ESR2: variants seen among roughly 807,000 people sequenced by gnomAD.
ESR2 encodes estrogen receptor 2, also known as estrogen receptor beta.
In ESR2, 36 loss-of-function variants were observed where a neutral mutation model predicts 49.6. The observed-to-expected ratio is 0.73, with a 90% CI of 0.56 to 0.96. The LOEUF (loss-of-function observed/expected upper bound fraction) is 0.96. Ranked by LOEUF, ESR2 falls within the 40% of genes least tolerant of loss-of-function variation. The pLI is 0.00. For missense variants in ESR2, 714 were observed against 693.0 expected (o/e 1.03, Z -0.34); for synonymous variants, 320 against 266.1 (o/e 1.20, Z -1.97).
At position 64,228,667 on chromosome 14, in the gene ESR2, A is replaced by T. The variant is rs985241903; in HGVS notation, c.*4470T>A. Among the ~76,000 whole-genome samples the T allele has an allele frequency of 6.6e-6, 1 of 152,236 alleles. No homozygotes were observed. Among genetic ancestry groups the T allele is most frequent in the African/African-American group, 2.4e-5 (1 of 41,466 alleles). ...AGAGGAAACAAATGCAAAAACATCC[A>T]TTGTACAGTTAACAGGAACTGTTCG... is the stretch of plus-strand genomic sequence containing the variant. On this transcript the variant is annotated 3_prime_UTR_variant, in exon 9 of 9. Coordinates refer to ENST00000341099, the MANE Select transcript of ESR2 (RefSeq NM_001437.3).
At chr14:64,285,844 A>G (rs1182064055) in intron 1 of ESR2, among the ~76,000 whole-genome samples, 2 of 145,834 alleles carry the variant, frequency 1.4e-5, no homozygotes, top group Non-Finnish European at 3.1e-5. Flanking sequence ...AAAAAAAAAG[A>G]AAAAGAAAAA....
At chr14:64,317,662 C>G (rs1320466828) in intron 1 of ESR2, among the ~76,000 whole-genome samples, 2 of 152,144 alleles carry the variant, frequency 1.3e-5, no homozygotes, top group Non-Finnish European at 2.9e-5. Context: ...CATAAATATC[C>G]AAACAATATC....
At chr14:64,316,454 A>T (rs895982153) in intron 1 of ESR2, among the ~76,000 whole-genome samples, 1 of 152,228 alleles carries the variant, frequency 6.6e-6, no homozygotes, top group African/African-American at 2.4e-5. Context: ...GAATACTTCT[A>T]AATTCATTTT....
intron 7 of ESR2, among the ~76,000 whole-genome samples, chr14:64,246,628 G>A (rs1169035793): frequency 6.7e-6 from 1 of 149,960 alleles, no homozygotes; most frequent in Non-Finnish European, 1.5e-5. Context: ...TTGGGATGCT[G>A]AGGCATCGCT....
rs1160392901 is a variant in ESR2, at chr14:64,232,390, G to C, written c.*747C>G. On this transcript the variant is annotated 3_prime_UTR_variant, in exon 9 of 9. Transcript: ENST00000341099. ...GGGACAACAGGTTTAAGGAAGAGCA[G>C]CTCCAGAAGCAGCGAGATTTGTATC... 2.0e-5 allele frequency: 3 copies of C among 152,362 alleles called. No individual in the cohort carries two copies. Among genetic ancestry groups the C allele is most frequent in the Admixed American group, 2.0e-4 (3 of 15,274 alleles). 9.4% of individuals were successfully genotyped at this position (152,362 alleles called of 1,614,324 possible).
intron 7 of ESR2, among the ~76,000 whole-genome samples, chr14:64,242,262 T>G (rs2075743008): frequency 1.3e-5 from 2 of 151,992 alleles, no homozygotes; most frequent in Non-Finnish European, 2.9e-5. Context: ...ACACAAAAAT[T>G]AGCTAGGCAT....
At chr14:64,292,803 TTAC>T (rs1340923632) in intron 1 of ESR2, among the ~76,000 whole-genome samples, 53 of 152,196 alleles carry the variant, frequency 3.5e-4, no homozygotes, top group African/African-American at 4.8e-5. Flanking sequence ...TGAGTTGAAT[TTAC>T]TACTAAATTC....
rs150116967 is a variant in ESR2, at chr14:64,290,681, G to T, written c.-91+3352C>A. ...GCCTCCCAAAGTGCTGAGATTACAG[G>T]CGTGAGCCACCACACCCAGCCTTTT... On this transcript the variant is annotated intron_variant, in intron 1 of 8. Coordinates refer to ENST00000341099, the MANE Select transcript of ESR2 (RefSeq NM_001437.3). Among the ~76,000 whole-genome samples the T allele has an allele frequency of 8.4e-3, 1,281 of 152,250 alleles. 16 individuals carry two copies. The highest frequency in any genetic ancestry group is 0.029 in the African/African-American group (1,197 of 41,554).
Position 64,321,316 on chromosome 14 carries a change from A to C in ESR2, c.-91+16582T>G, listed in dbSNP as rs993929910. Among the ~76,000 whole-genome samples the C allele has an allele frequency of 3.9e-5, 6 of 152,264 alleles. No individual in the cohort carries two copies. The East Asian group carries it at 1.2e-3, about 29-fold the overall frequency. ...GGCATTAATTGTCTAGAAGCAAAAAAAAAAAAAAATCTTTTTTGGGTGATG... is the reference window on the plus strand; with the variant it reads ...GGCATTAATTGTCTAGAAGCAAAAACAAAAAAAAATCTTTTTTGGGTGATG... On this transcript the variant is annotated intron_variant, in intron 1 of 8. Coordinates refer to the ESR2 transcript ENST00000358599.
chr14:64,231,370 C>G lies in ESR2; in HGVS notation c.*1767G>C, dbSNP rs1180461667. 6.6e-6 allele frequency: 1 copy of G among 152,134 alleles called. No individual in the cohort carries two copies. The highest frequency in any genetic ancestry group is 1.5e-5 in the Non-Finnish European group (1 of 68,032). The allele number at this position is 152,134 out of a possible 1,614,324, so 9.4% of individuals were successfully genotyped here. ...GGCTGACCAGGAGGAAAGAAGCTGACACTAACACTGGTTCCCTGGTTCCTA... is the reference window on the plus strand; with the variant it reads ...GGCTGACCAGGAGGAAAGAAGCTGAGACTAACACTGGTTCCCTGGTTCCTA... On this transcript the variant is annotated 3_prime_UTR_variant, in exon 9 of 9. Coordinates refer to ENST00000341099, the MANE Select transcript of ESR2 (RefSeq NM_001437.3).
chr14:64,256,498 G>A (rs1008867235), intron 6 of ESR2, among the ~76,000 whole-genome samples: 9 of 152,288 alleles, frequency 5.9e-5, no homozygotes, highest in African/African-American at 2.2e-4. Context: ...GGAAGCTGAG[G>A]TGGGCAGATC....
intron 4 of ESR2, among the ~76,000 whole-genome samples, chr14:64,265,409 A>T (rs908715889): frequency 6.6e-6 from 1 of 152,316 alleles, no homozygotes; most frequent in East Asian, 1.9e-4. Flanking sequence ...ACAGAAGAGG[A>T]ACCAAACATA....
At chr14:64,234,888 A>G in intron 8 of ESR2, 82 bp downstream of exon 8, 1 of 1,560,492 alleles carries the variant, frequency 6.4e-7, no homozygotes, top group Non-Finnish European at 8.7e-7. Context: ...ACTTGCAGAC[A>G]CTTTTCCCAA....
chr14:64,323,192 AG>A (rs2077345463), intron 1 of ESR2, among the ~76,000 whole-genome samples: 1 of 152,082 alleles, frequency 6.6e-6, no homozygotes, highest in Non-Finnish European at 1.5e-5. Flanking sequence ...GTGTTGGGGT[AG>A]GCACATGTTA....
intron 1 of ESR2, among the ~76,000 whole-genome samples, chr14:64,321,708 A>T (rs1466001823): frequency 1.3e-5 from 2 of 152,220 alleles, no homozygotes; most frequent in African/African-American, 4.8e-5. Flanking sequence ...CAACAGGCAT[A>T]TATGAAGATG....
chr14:64,245,280 G>A (rs947862970), intron 7 of ESR2, among the ~76,000 whole-genome samples: 20 of 152,128 alleles, frequency 1.3e-4, no homozygotes, highest in Admixed American at 6.5e-4. Flanking sequence ...TTGGGAGGCC[G>A]AGGCAAGCGG....
chr14:64,289,189 C>T (rs2076830245), intron 1 of ESR2, among the ~76,000 whole-genome samples: 1 of 151,902 alleles, frequency 6.6e-6, no homozygotes, highest in South Asian at 2.1e-4. Context: ...TTTCACGGTG[C>T]TCTGAGGGTG....
At chr14:64,325,978 A>AG (rs2077384826) in intron 1 of ESR2, among the ~76,000 whole-genome samples, 15 of 145,650 alleles carry the variant, frequency 1.0e-4, no homozygotes, top group Admixed American at 1.0e-3. Flanking sequence ...AATTATACAC[A>AG]GATTTTTTTT....
intron 1 of ESR2, among the ~76,000 whole-genome samples, chr14:64,309,914 G>A (rs187047793): frequency 9.9e-5 from 15 of 151,900 alleles, no homozygotes; most frequent in African/African-American, 2.9e-4. Flanking sequence ...GCAAAACGCC[G>A]TCTCTAATAA....
Sources: gnomAD v4.1 joint callset for allele counts (sites outside exome capture counted in the v4.1 genomes callset) on GRCh38, gnomAD v4.1.1 for gene constraint, MANE v1.5 for transcripts, NCBI Gene and HGNC (gene_info 2026-07-23, HGNC 2026-07-21) for gene names.